PRDM16: variants seen among roughly 807,000 people sequenced by gnomAD.
PRDM16 encodes PR/SET domain 16.
Under a neutral mutation model 110.6 loss-of-function variants are expected in PRDM16, and 23 were observed. The observed-to-expected ratio is 0.21, with a 90% CI of 0.15 to 0.29. The LOEUF is 0.29. Ranked by LOEUF, PRDM16 falls within the 10% of genes least tolerant of loss-of-function variation. The probability of loss-of-function intolerance (pLI) is 1.00; values close to 1 mark genes in which losing one functional copy is unlikely to be tolerated. For missense variants in PRDM16, 1,615 were observed against 1,794.3 expected (o/e 0.90, Z 1.81); for synonymous variants, 799 against 781.8 (o/e 1.02, Z -0.37).
At chr1:3,085,781 G>T (rs1642135685) in intron 1 of PRDM16, among the ~76,000 whole-genome samples, 1 of 152,200 alleles carries the variant, frequency 6.6e-6, no homozygotes, top group South Asian at 2.1e-4. Context: ...CCACAGGTCG[G>T]GTGGGCAGCA....
intron 3 of PRDM16, among the ~76,000 whole-genome samples, chr1:3,286,804 G>A (rs1640854367): frequency 6.6e-6 from 1 of 152,134 alleles, no homozygotes; most frequent in Admixed American, 6.5e-5. Context: ...AGAGTGGAGG[G>A]GCCGCCCAGC....
At chr1:3,367,672 G>A (rs1305121256) in intron 3 of PRDM16, among the ~76,000 whole-genome samples, 8 of 152,182 alleles carry the variant, frequency 5.3e-5, no homozygotes, top group Non-Finnish European at 1.0e-4. Flanking sequence ...TAGACTACGT[G>A]TATAAATAGA....
intron 1 of PRDM16, among the ~76,000 whole-genome samples, chr1:3,181,642 A>ATT (rs1205073413): frequency 8.0e-6 from 1 of 125,744 alleles, no homozygotes; most frequent in Admixed American, 8.1e-5. Context: ...AGTCTTACAC[A>ATT]CGGTCTTACA....
At chr1:3,123,211 CAG>C (rs1405655908) in intron 1 of PRDM16, among the ~76,000 whole-genome samples, 2 of 152,228 alleles carry the variant, frequency 1.3e-5, no homozygotes, top group East Asian at 3.8e-4. Context: ...GCACAGGGGA[CAG>C]GGGCTGCAGG....
At chr1:3,319,378 C>T (rs1296621532) in intron 3 of PRDM16, among the ~76,000 whole-genome samples, 1 of 152,210 alleles carries the variant, frequency 6.6e-6, no homozygotes, top group Non-Finnish European at 1.5e-5. Context: ...GGTATTTATT[C>T]CAAAATGTTT....
chr1:3,384,525 G>A (rs751161069), intron 3 of PRDM16, among the ~76,000 whole-genome samples: 7 of 152,182 alleles, frequency 4.6e-5, no homozygotes, highest in African/African-American at 7.2e-5. Context: ...CACTCTGCCC[G>A]TTCAGAGGCA....
chr1:3,107,472 T>C (rs908356489), intron 1 of PRDM16, among the ~76,000 whole-genome samples: 2 of 152,204 alleles, frequency 1.3e-5, no homozygotes, highest in Non-Finnish European at 2.9e-5. Context: ...CTAATTCTAA[T>C]GTAAATAGAG....
chr1:3,132,446 G>A (rs1237916737), intron 1 of PRDM16, among the ~76,000 whole-genome samples: 2 of 152,176 alleles, frequency 1.3e-5, no homozygotes, highest in East Asian at 1.9e-4. Flanking sequence ...TTCTAGAGGG[G>A]CACACATGGC....
rs375496715 is a variant in PRDM16, at chr1:3,422,194, GCAGA to G, written c.2940-3378_2940-3375del. Among the ~76,000 whole-genome samples the G allele has an allele frequency of 4.7e-4, 68 of 144,264 alleles. 1 individual carries two copies. The highest frequency in any genetic ancestry group is 1.5e-3 in the African/African-American group (59 of 38,760). The allele number at this position is 144,264 out of a possible 152,430, so 94.6% of individuals were successfully genotyped here. A position where few individuals can be genotyped will look rare whatever the true frequency, so the allele number is the denominator to read the frequency against. ...GGAAGGCAGATAGATAGATAGGTAG[GCAGA>G]CAGACAGATGGACAGACAGGCAGAC... On this transcript the variant is annotated intron_variant, in intron 12 of 16. Transcript: ENST00000270722.
chr1:3,364,355 G>A (rs546140981), intron 3 of PRDM16, among the ~76,000 whole-genome samples: 3 of 152,276 alleles, frequency 2.0e-5, no homozygotes, highest in South Asian at 2.1e-4. Context: ...GTCCTGCCTG[G>A]CAGCCTCACC....
chr1:3,259,499 T>A (rs1421842252), intron 3 of PRDM16, among the ~76,000 whole-genome samples: 1 of 151,896 alleles, frequency 6.6e-6, no homozygotes, highest in Non-Finnish European at 1.5e-5. Context: ...CTGCCTTTCT[T>A]CCCCTCCACA....
In PRDM16 at chr1:3,350,300, T is replaced by C. The variant is rs1642457049; in HGVS notation, c.439-34852T>C. Among the ~76,000 whole-genome samples, 2 of 152,246 alleles carry C rather than the reference T, an allele frequency of 1.3e-5. No homozygotes were observed. Among genetic ancestry groups the C allele is most frequent in the Admixed American group, 6.5e-5 (1 of 15,276 alleles). On this transcript the variant is annotated intron_variant, in intron 3 of 16. Coordinates refer to ENST00000270722, the MANE Select transcript of PRDM16 (RefSeq NM_022114.4). The surrounding 1 kb of genome is among the most constrained non-coding windows in gnomAD (Gnocchi z 7.1). The stretch of plus-strand genomic sequence containing the variant: ...GTGATCACACCACTATACTCCAGCC[T>C]GGGCGAGAGAGTGAGACCCTGTCTC...
At chr1:3,377,020 T>C (rs1201258409) in intron 3 of PRDM16, among the ~76,000 whole-genome samples, 3 of 152,238 alleles carry the variant, frequency 2.0e-5, no homozygotes, top group Admixed American at 6.5e-5. Context: ...ATCACAAGAA[T>C]GGGCTTTCTG....
At chr1:3,361,587 C>T (rs17395449) in intron 3 of PRDM16, among the ~76,000 whole-genome samples, 5,296 of 152,342 alleles carry the variant, frequency 0.035, 95 homozygotes, top group Middle Eastern at 0.085. Context: ...GGCATAACAC[C>T]GGCCCAACTG....
Position 3,425,775 on chromosome 1 carries a change from C to T in PRDM16, c.3109+25C>T, listed in dbSNP as rs1402010481. The T allele has an allele frequency of 1.2e-6, 2 of 1,611,790 alleles. No individual in the cohort carries two copies. The highest frequency in any genetic ancestry group is 1.7e-5 in the Admixed American group (1 of 59,922). ...GGTGGGCCACGCGGGGTGGGGCAGC[C>T]CCCAGAGCACCCACACGGGCAGGCC... On this transcript the variant is annotated intron_variant, in intron 13 of 16. Coordinates refer to ENST00000270722, the MANE Select transcript of PRDM16 (RefSeq NM_022114.4). The surrounding 1 kb of genome is among the most constrained non-coding windows in gnomAD (Gnocchi z 6.9).
At chr1:3,352,040 C>T (rs1406978309) in intron 3 of PRDM16, among the ~76,000 whole-genome samples, 1 of 152,176 alleles carries the variant, frequency 6.6e-6, no homozygotes, top group Non-Finnish European at 1.5e-5. Context: ...AGAGGAGACA[C>T]TCCTGCGAGG....
At chr1:3,410,937 G>A (rs1643674561) in intron 8 of PRDM16, among the ~76,000 whole-genome samples, 1 of 152,204 alleles carries the variant, frequency 6.6e-6, no homozygotes, top group East Asian at 1.9e-4. Context: ...GGTGGAAACA[G>A]CAGTGGCAAG....
intron 1 of PRDM16, among the ~76,000 whole-genome samples, chr1:3,076,981 C>G (rs1414184992): frequency 2.6e-5 from 4 of 152,182 alleles, no homozygotes; most frequent in African/African-American, 9.7e-5. Flanking sequence ...CTCAGAGGGG[C>G]TGGTCTGCAT....
At chr1:3,294,374 A>G (rs946012991) in intron 3 of PRDM16, among the ~76,000 whole-genome samples, 1 of 152,112 alleles carries the variant, frequency 6.6e-6, no homozygotes, top group African/African-American at 2.4e-5. Context: ...CTGTGGTTTC[A>G]GAGGCACTTC....
Sources: gnomAD v4.1 joint callset for allele counts (sites outside exome capture counted in the v4.1 genomes callset) on GRCh38, gnomAD v4.1.1 for gene constraint, Gnocchi (gnomAD v3.1) non-coding constraint, MANE v1.5 for transcripts, NCBI Gene and HGNC (gene_info 2026-07-23, HGNC 2026-07-21) for gene names.